Variants in EFHC2 observed in about 807,000 individuals in gnomAD.
EFHC2 encodes the protein EF-hand domain containing 2, also known as EF-hand domain-containing family member C2.
A neutral mutation model predicts 52.7 loss-of-function variants in EFHC2; 18 were observed. The observed-to-expected ratio is 0.34, with a 90% confidence interval of 0.24 to 0.51. EFHC2 has a LOEUF of 0.51. Among genes scored for constraint, EFHC2 ranks in the 20% least tolerant of loss-of-function variants. The pLI, the probability that EFHC2 is intolerant of heterozygous loss-of-function variation, is 0.97. For missense variants in EFHC2, 513 were observed against 562.5 expected, an observed-to-expected ratio of 0.91 and a Z score of 0.89; for synonymous variants, 203 against 204.1, an observed-to-expected ratio of 0.99 and a Z score of 0.04.
chrX:44,235,688 C>T (rs2037314671), intron 8 of EFHC2, among the ~76,000 whole-genome samples: 1 of 112,063 alleles, frequency 8.9e-6, no homozygotes, highest in African/African-American at 3.2e-5. Context: ...GAAAATGAAC[C>T]CAAAACAAAC....
chrX:44,217,950 TC>T (rs1328118335), intron 11 of EFHC2, among the ~76,000 whole-genome samples: 1 of 111,293 alleles, frequency 9.0e-6, no homozygotes, highest in Non-Finnish European at 1.9e-5. Context: ...ATTTCAGGTA[TC>T]CCATAAATAT....
At chrX:44,202,434 C>G (rs890169524) in intron 11 of EFHC2, among the ~76,000 whole-genome samples, 2 of 111,369 alleles carry the variant, frequency 1.8e-5, no homozygotes, top group African/African-American at 6.5e-5. Context: ...AACAAACAAA[C>G]GAAAACAATA....
At position 44,312,550 on chromosome X, in the gene EFHC2, C is replaced by G. The variant is rs769311751; in HGVS notation, c.231+18G>C. On this transcript the variant is annotated intron_variant, in intron 2 of 14. Coordinates refer to ENST00000420999, the MANE Select transcript of EFHC2 (RefSeq NM_025184.4). ...TAAAATGCTAAGACTGCATTCCTCCCAGTGTCATGTGACTTACCTGTTTAT... is the reference window on the plus strand; with the variant it reads ...TAAAATGCTAAGACTGCATTCCTCCGAGTGTCATGTGACTTACCTGTTTAT... 7 of 1,163,109 alleles carry G rather than the reference C, an allele frequency of 6.0e-6. No individual in the cohort carries two copies. Among genetic ancestry groups the G allele is most frequent in the Non-Finnish European group, 8.1e-6 (7 of 867,581 alleles).
At chrX:44,201,161 T>A in intron 11 of EFHC2, among the ~76,000 whole-genome samples, 1 of 111,365 alleles carries the variant, frequency 9.0e-6, no homozygotes, top group Non-Finnish European at 1.9e-5. Flanking sequence ...AAAACAAACT[T>A]TTAAATAACT....
intron 11 of EFHC2, among the ~76,000 whole-genome samples, chrX:44,196,225 CT>C (rs1255704120): frequency 8.7e-4 from 97 of 111,733 alleles, no homozygotes; most frequent in African/African-American, 3.1e-3. Flanking sequence ...CTTATAGTTA[CT>C]TTATGAACAC....
chrX:44,216,224 G>A (rs1265780975), intron 11 of EFHC2, among the ~76,000 whole-genome samples: 1 of 112,242 alleles, frequency 8.9e-6, no homozygotes, highest in Non-Finnish European at 1.9e-5. Context: ...CATGGTTTCT[G>A]AGAGTGAGCA....
At chrX:44,175,270 T>C (rs1403011635) in intron 13 of EFHC2, among the ~76,000 whole-genome samples, 1 of 111,968 alleles carries the variant, frequency 8.9e-6, no homozygotes, top group Non-Finnish European at 1.9e-5. Context: ...GATTTAAACA[T>C]TTAGACACTG....
chrX:44,185,542 C>CT (rs369280345), intron 11 of EFHC2, among the ~76,000 whole-genome samples: 110 of 104,099 alleles, frequency 1.1e-3, no homozygotes, highest in South Asian at 2.5e-3. Flanking sequence ...AATAATAAGT[C>CT]TTTTTTTTTT....
intron 1 of EFHC2, among the ~76,000 whole-genome samples, chrX:44,328,342 A>G (rs987256181): frequency 1.8e-5 from 2 of 111,785 alleles, no homozygotes; most frequent in Non-Finnish European, 3.8e-5. Flanking sequence ...CTGGAGCTGC[A>G]GCAGCCATCT....
At chrX:44,229,889 G>A in intron 10 of EFHC2, 110 bp from the exon 11 acceptor site, 1 of 807,839 alleles carries the variant, frequency 1.2e-6, no homozygotes, top group Non-Finnish European at 1.7e-6. Flanking sequence ...TATGAAGTTA[G>A]CAGATTTGTC....
intron 3 of EFHC2, 99 bp from the exon 4 acceptor site, chrX:44,261,397 A>G: frequency 4.2e-6 from 3 of 721,241 alleles, no homozygotes; most frequent in Non-Finnish European, 5.9e-6. Flanking sequence ...CCCGCAACAG[A>G]AAACTGGGCA....
chrX:44,261,159 T>C lies in EFHC2; in HGVS notation c.522A>G (p.Thr174=). 8.3e-7 allele frequency: 1 copy of C among 1,211,468 alleles called. No homozygotes were observed. The highest frequency in any genetic ancestry group is 1.8e-5 in the South Asian group (1 of 56,973). The part of the protein sequence containing the change: ...TFKIYDCDAF[T]RNFLRKIGVK... Reference sequence around the variant, plus strand: ...CCCCTATTTTCCTCAAAAAGTTTCTTGTGAATGCATCACAGTCATAAATCT... The same window carrying C: ...CCCCTATTTTCCTCAAAAAGTTTCTCGTGAATGCATCACAGTCATAAATCT... The change falls in exon 4 of 15, where the codon ACA becomes ACG. Residue 174 remains threonine (T), a synonymous_variant. Coordinates refer to ENST00000420999, the MANE Select transcript of EFHC2 (RefSeq NM_025184.4).
chrX:44,315,982 G>A (rs890020772), intron 1 of EFHC2, among the ~76,000 whole-genome samples: 1 of 111,478 alleles, frequency 9.0e-6, no homozygotes, highest in African/African-American at 3.3e-5. Context: ...TACCGGCCAG[G>A]CCCTATTCTA....
chrX:44,206,430 G>T (rs934516137), intron 11 of EFHC2, among the ~76,000 whole-genome samples: 3 of 111,755 alleles, frequency 2.7e-5, no homozygotes, highest in African/African-American at 9.7e-5. Context: ...ATCTCTGTTT[G>T]CCAATAATGT....
At chrX:44,315,866 G>A (rs375930669) in intron 1 of EFHC2, among the ~76,000 whole-genome samples, 6 of 111,111 alleles carry the variant, frequency 5.4e-5, no homozygotes, top group African/African-American at 1.6e-4. Flanking sequence ...GAAGGAGGGC[G>A]AGCTAGAGTA....
chrX:44,149,187 G>A (rs1041787797), intron 14 of EFHC2, among the ~76,000 whole-genome samples: 1 of 112,146 alleles, frequency 8.9e-6, no homozygotes, highest in Admixed American at 9.5e-5. Context: ...TTTGACCTAT[G>A]TACTATTAGC....
chrX:44,307,346 C>T (rs2037913162), intron 2 of EFHC2, among the ~76,000 whole-genome samples: 1 of 111,987 alleles, frequency 8.9e-6, no homozygotes, highest in African/African-American at 3.2e-5. Context: ...AAGTTGAAAA[C>T]GTCTTTTATT....
chrX:44,183,817 T>C (rs769168567), intron 11 of EFHC2, among the ~76,000 whole-genome samples: 3 of 112,146 alleles, frequency 2.7e-5, no homozygotes, highest in African/African-American at 9.7e-5. Context: ...AAGGGGTCAC[T>C]GTAGACTATC....
chrX:44,173,927 T>C (rs2050399), intron 13 of EFHC2, among the ~76,000 whole-genome samples: 50,990 of 110,467 alleles, frequency 0.46, 8,627 homozygotes, highest in African/African-American at 0.56. Flanking sequence ...AACTCATCCT[T>C]AAGACCATCA....
Sources: gnomAD v4.1 joint callset for allele counts (sites outside exome capture counted in the v4.1 genomes callset) on GRCh38, gnomAD v4.1.1 for gene constraint, MANE v1.5 for transcripts, NCBI Gene and HGNC (gene_info 2026-07-23, HGNC 2026-07-21) for gene names.